The following KCNMB4 variants were observed in gnomAD, a reference collection of about 807,000 sequenced individuals.
KCNMB4 encodes potassium calcium-activated channel subfamily M regulatory beta subunit 4.
Under a neutral mutation model 20.7 loss-of-function variants are expected in KCNMB4, and 3 were observed. The ratio of observed to expected loss-of-function variants is 0.14; its 90% confidence interval spans 0.07 to 0.37. The LOEUF (loss-of-function observed/expected upper bound fraction) is 0.37, where lower values mean the gene tolerates loss of function less well. KCNMB4 is among the 10% of genes least tolerant of loss of function. KCNMB4 has a pLI of 1.00. For missense variants in KCNMB4, 168 were observed against 265.9 expected (o/e 0.63, Z 2.56); for synonymous variants, 110 against 113.4 (o/e 0.97, Z 0.19).
chr12:70,424,457 A>AT (rs1331021944), intron 2 of KCNMB4, among the ~76,000 whole-genome samples: 259 of 150,268 alleles, frequency 1.7e-3, no homozygotes, highest in African/African-American at 4.9e-3. Context: ...AAAAAAAAAA[A>AT]ATATTGCAAA....
At chr12:70,411,175 G>A (rs1343884910) in intron 2 of KCNMB4, among the ~76,000 whole-genome samples, 2 of 152,100 alleles carry the variant, frequency 1.3e-5, no homozygotes, top group Non-Finnish European at 2.9e-5. Context: ...CCCTGGTTCT[G>A]AAGACTTGTA....
At chr12:70,418,027 T>A (rs1236168967) in intron 2 of KCNMB4, among the ~76,000 whole-genome samples, 2 of 152,216 alleles carry the variant, frequency 1.3e-5, no homozygotes, top group African/African-American at 4.8e-5. Flanking sequence ...TCAAAATTCA[T>A]GGGGAAAATG....
chr12:70,425,836 TG>T (rs1394574618), intron 2 of KCNMB4, among the ~76,000 whole-genome samples: 1 of 152,234 alleles, frequency 6.6e-6, no homozygotes. Flanking sequence ...CTGATGCATT[TG>T]ATATTTAAAA....
chr12:70,409,425 CCTT>C (rs1351690179), intron 2 of KCNMB4, among the ~76,000 whole-genome samples: 3 of 152,158 alleles, frequency 2.0e-5, no homozygotes, highest in Non-Finnish European at 4.4e-5. Flanking sequence ...AATTTTTCTG[CCTT>C]CTTCTTATCT....
chr12:70,384,486 T>C (rs1427307041), intron 1 of KCNMB4, among the ~76,000 whole-genome samples: 1 of 152,214 alleles, frequency 6.6e-6, no homozygotes, highest in Non-Finnish European at 1.5e-5. Flanking sequence ...AATGAATGAC[T>C]GAAAAGGCCT....
chr12:70,427,692 A>G (rs1869248855), intron 2 of KCNMB4, among the ~76,000 whole-genome samples: 1 of 152,150 alleles, frequency 6.6e-6, no homozygotes, highest in Non-Finnish European at 1.5e-5. Context: ...TTTTCCAGTT[A>G]TTATTTTTCT....
intron 1 of KCNMB4, 95 bp downstream of exon 1, chr12:70,367,165 T>A: frequency 3.0e-6 from 3 of 998,322 alleles, no homozygotes; most frequent in Non-Finnish European, 4.3e-6. Context: ...CGGCGTGTGC[T>A]CGCATTGCTA....
chr12:70,388,913 A>G (rs756365437), intron 1 of KCNMB4, among the ~76,000 whole-genome samples: 5 of 151,478 alleles, frequency 3.3e-5, no homozygotes, highest in East Asian at 1.9e-4. Flanking sequence ...GTAGTACTCC[A>G]CTGCTCCAAA....
intron 2 of KCNMB4, among the ~76,000 whole-genome samples, chr12:70,407,172 T>G (rs1177471056): frequency 6.6e-6 from 1 of 152,136 alleles, no homozygotes; most frequent in Non-Finnish European, 1.5e-5. Context: ...TTCAATAATT[T>G]GCTAGAATGG....
intron 1 of KCNMB4, among the ~76,000 whole-genome samples, chr12:70,386,638 G>C (rs1389337828): frequency 8.8e-5 from 13 of 147,976 alleles, no homozygotes. Context: ...GTGCTTTCAT[G>C]AACTCTCATG....
At chr12:70,372,322 T>C (rs969119247) in intron 1 of KCNMB4, among the ~76,000 whole-genome samples, 1 of 152,178 alleles carries the variant, frequency 6.6e-6, no homozygotes, top group African/African-American at 2.4e-5. Context: ...AGACTTAGAC[T>C]TTTAAAAAAT....
chr12:70,419,802 G>T (rs1869003866), intron 2 of KCNMB4, among the ~76,000 whole-genome samples: 1 of 152,062 alleles, frequency 6.6e-6, no homozygotes, highest in African/African-American at 2.4e-5. Context: ...AAAGTAAGGA[G>T]GCACTTAGGG....
rs1068676 is a variant in KCNMB4 at position 70,376,892 on chromosome 12, G to C, written c.336+9822G>C. Among the ~76,000 whole-genome samples the C allele has an allele frequency of 7.5e-3, 1,125 of 150,316 alleles. 6 individuals are homozygous for C. The highest frequency in any genetic ancestry group is 0.017 in the Middle Eastern group (5 of 288). Reference sequence around the variant, plus strand: ...GTCTCAAAAAAAAAAAAAGAAAAAAGAATGTAATTTTATAATAACATAAAA... The same window carrying C: ...GTCTCAAAAAAAAAAAAAGAAAAAACAATGTAATTTTATAATAACATAAAA... On this transcript the variant is annotated intron_variant, in intron 1 of 2. Coordinates refer to ENST00000258111, the MANE Select transcript of KCNMB4 (RefSeq NM_014505.6).
chr12:70,422,473 G>A (rs1217618201), intron 2 of KCNMB4, among the ~76,000 whole-genome samples: 2 of 152,174 alleles, frequency 1.3e-5, no homozygotes, highest in African/African-American at 4.8e-5. Context: ...CAAGGAGGTC[G>A]ATGGAAGAGG....
chr12:70,390,341 A>G (rs1868289468), intron 1 of KCNMB4, among the ~76,000 whole-genome samples: 1 of 152,152 alleles, frequency 6.6e-6, no homozygotes, highest in Admixed American at 6.5e-5. Flanking sequence ...GTAAATCCCA[A>G]CTTTATGTTT....
intron 1 of KCNMB4, among the ~76,000 whole-genome samples, chr12:70,372,943 G>C (rs1883623704): frequency 6.6e-6 from 1 of 152,198 alleles, no homozygotes; most frequent in Admixed American, 6.5e-5. Flanking sequence ...AGGGTGGAAT[G>C]AAGAGAACAT....
chr12:70,410,047 CT>C, intron 2 of KCNMB4, among the ~76,000 whole-genome samples: 1 of 152,324 alleles, frequency 6.6e-6, no homozygotes, highest in African/African-American at 2.4e-5. Context: ...GCCTTTGCTC[CT>C]GTCTCTTTCT....
intron 2 of KCNMB4, among the ~76,000 whole-genome samples, chr12:70,423,540 TCACTGTAGGCC>T (rs1312247771): frequency 2.0e-5 from 3 of 152,030 alleles, no homozygotes; most frequent in Non-Finnish European, 4.4e-5. Flanking sequence ...CAATCTTGGC[TCACTGTAGGCC>T]CACTGCAGCC....
intron 1 of KCNMB4, 110 bp downstream of exon 1, chr12:70,367,180 G>A (rs1218810258): frequency 2.5e-6 from 2 of 799,416 alleles, no homozygotes; most frequent in South Asian, 2.3e-5. Flanking sequence ...TTGCTAGGAG[G>A]AGACCAGGTG....
Sources: allele counts gnomAD v4.1 joint callset (sites outside exome capture counted in the v4.1 genomes callset), GRCh38; gene constraint gnomAD v4.1.1; transcripts MANE v1.5; gene names NCBI Gene and HGNC (gene_info 2026-07-23, HGNC 2026-07-21).